PLAC9: variants seen among roughly 807,000 people sequenced by gnomAD.
PLAC9 encodes the protein placenta-specific protein 9.
Under a neutral mutation model 11.5 loss-of-function variants are expected in PLAC9, and 12 were observed. That is an observed-to-expected ratio of 1.05 (90% CI 0.67 to 1.69). PLAC9 has a LOEUF of 1.69. PLAC9 is among the 40% of genes most tolerant of loss of function. PLAC9 has a pLI of 0.00. For missense variants in PLAC9, 132 were observed against 130.5 expected (o/e 1.01, Z -0.06); for synonymous variants, 62 against 58.1 (o/e 1.07, Z -0.31).
At chr10:80,136,656 T>TTTTATTTATTTATTTA (rs138774775) in intron 1 of PLAC9, among the ~76,000 whole-genome samples, 1 of 146,410 alleles carries the variant, frequency 6.8e-6, no homozygotes, top group African/African-American at 2.5e-5. Context: ...TTAATTTTTA[T>TTTTATTTATTTATTTA]TTTATTTATT....
chr10:80,145,118 C>G lies in PLAC9; in HGVS notation c.*208C>G, dbSNP rs528993569. ...GCCTGGAGGAAGCCTGCAACCCCCT[C>G]CAGGCTCAGACCTGGGGACACCCCC... On this transcript the variant is annotated 3_prime_UTR_variant, in exon 4 of 4. Transcript: ENST00000372263. 1.3e-5 allele frequency: 9 copies of G among 717,882 alleles called. No individual in the cohort carries two copies. Among genetic ancestry groups the G allele is most frequent in the Admixed American group, 4.3e-5 (2 of 46,490 alleles). 44.5% of individuals were successfully genotyped at this position (717,882 alleles called of 1,614,324 possible). A position where few individuals can be genotyped will look rare whatever the true frequency, so the allele number is the denominator to read the frequency against.
chr10:80,142,546 C>T (rs576767761), intron 2 of PLAC9, among the ~76,000 whole-genome samples: 1 of 152,174 alleles, frequency 6.6e-6, no homozygotes, highest in Non-Finnish European at 1.5e-5. Context: ...ATCATAAATA[C>T]AAACAGCGAG....
At chr10:80,143,913 A>G (rs1845069708) in intron 2 of PLAC9, 2 of 355,558 alleles carry the variant, frequency 5.6e-6, no homozygotes, top group Non-Finnish European at 1.1e-5. Context: ...GGGCGGAACA[A>G]CAAAAGGAAT....
At position 80,145,207 on chromosome 10, in the gene PLAC9, G is replaced by A; in HGVS notation, c.*297G>A. On this transcript the variant is annotated 3_prime_UTR_variant, in exon 4 of 4. Coordinates refer to ENST00000372263, the MANE Select transcript of PLAC9 (RefSeq NM_001012973.3). The stretch of plus-strand genomic sequence containing the variant: ...ATTCACACAGATGGGGGCCCTTTGA[G>A]TGGCCTTGCTTCTCAAAATGTGGCC... The A allele has an allele frequency of 3.7e-6, 2 of 543,702 alleles. No individual in the cohort carries two copies. The highest frequency in any genetic ancestry group is 6.5e-6 in the Non-Finnish European group (2 of 309,990). The allele number at this position is 543,702 out of a possible 1,614,324, so 33.7% of individuals were successfully genotyped here. A position where few individuals can be genotyped will look rare whatever the true frequency, so the allele number is the denominator to read the frequency against.
chr10:80,137,913 TAA>T (rs1233192428), intron 1 of PLAC9, among the ~76,000 whole-genome samples: 33 of 112,262 alleles, frequency 2.9e-4, no homozygotes, highest in Admixed American at 3.7e-4. Flanking sequence ...AGACCCTGTC[TAA>T]AAAAAAAAAA....
chr10:80,134,465 T>C (rs1476443544), intron 1 of PLAC9, among the ~76,000 whole-genome samples: 3 of 152,138 alleles, frequency 2.0e-5, no homozygotes, highest in Non-Finnish European at 4.4e-5. Context: ...GGTTTCACCA[T>C]GTTGGCCAGG....
At chr10:80,143,389 A>AT (rs560963413) in intron 2 of PLAC9, among the ~76,000 whole-genome samples, 1,520 of 89,876 alleles carry the variant, frequency 0.017, 118 homozygotes, top group Non-Finnish European at 0.021. Flanking sequence ...AAATACTTGA[A>AT]TTTTTTTTTT....
At chr10:80,136,113 AGGGGCCACGTCTCTTTAACTG>A (rs1399604965) in intron 1 of PLAC9, among the ~76,000 whole-genome samples, 1 of 152,208 alleles carries the variant, frequency 6.6e-6, no homozygotes, top group Admixed American at 6.5e-5. Flanking sequence ...GATGGGACCC[AGGGGCCACGTCTCTTTAACTG>A]GGGCAGCCAG....
At chr10:80,139,270 A>G (rs952257384) in intron 1 of PLAC9, among the ~76,000 whole-genome samples, 1 of 151,678 alleles carries the variant, frequency 6.6e-6, no homozygotes, top group East Asian at 1.9e-4. Context: ...AACATTCTTT[A>G]CCTCTTGTTC....
chr10:80,144,598 CA>C (rs1845079993), intron 3 of PLAC9, among the ~76,000 whole-genome samples: 1 of 151,916 alleles, frequency 6.6e-6, no homozygotes, highest in Non-Finnish European at 1.5e-5. Context: ...CATCTCAGCA[CA>C]ACCCCTGCGC....
chr10:80,133,086 A>G lies in PLAC9; in HGVS notation c.64+260A>G, dbSNP rs146718694. 2.6e-3 allele frequency among the ~76,000 whole-genome samples: 395 copies of G among 152,356 alleles called. 2 individuals are homozygous for G. The highest frequency in any genetic ancestry group is 8.7e-3 in the African/African-American group (360 of 41,596). ...AAGGAAAAAGGAGAGGCTGAGACAG[A>G]AAGAGGCTTCCCCTGAACAGATATG... On this transcript the variant is annotated intron_variant, in intron 1 of 3. Coordinates refer to ENST00000372263, the MANE Select transcript of PLAC9 (RefSeq NM_001012973.3).
chr10:80,139,747 T>C (rs572329793), intron 1 of PLAC9, among the ~76,000 whole-genome samples: 1 of 152,274 alleles, frequency 6.6e-6, no homozygotes, highest in African/African-American at 2.4e-5. Context: ...CCATTTTTTT[T>C]TTAACTTAAA....
intron 1 of PLAC9, among the ~76,000 whole-genome samples, chr10:80,141,592 C>T (rs982170417): frequency 6.6e-5 from 10 of 152,052 alleles, no homozygotes; most frequent in Middle Eastern, 3.4e-3. Context: ...GAGCGAGACT[C>T]CATCTCAAAA....
At chr10:80,144,705 T>C (rs112920117) in intron 3 of PLAC9, among the ~76,000 whole-genome samples, 195 bp from the exon 4 acceptor site, 4,507 of 152,162 alleles carry the variant, frequency 0.03, 64 homozygotes, top group South Asian at 0.039. Context: ...ACCCCAAAAC[T>C]CTCGCAGGGA....
intron 3 of PLAC9, 26 bp downstream of exon 3, chr10:80,144,369 A>T (rs763154095): frequency 1.3e-6 from 2 of 1,567,800 alleles, no homozygotes; most frequent in South Asian, 2.3e-5. Context: ...GGCAGAGGAC[A>T]GCCTCTGGGC....
chr10:80,139,675 T>A (rs1393995673), intron 1 of PLAC9, among the ~76,000 whole-genome samples: 1 of 151,858 alleles, frequency 6.6e-6, no homozygotes, highest in Non-Finnish European at 1.5e-5. Flanking sequence ...GGACTGGCTC[T>A]CAAAAAAAAG....
chr10:80,134,229 A>G (rs1258069880), intron 1 of PLAC9, among the ~76,000 whole-genome samples: 1 of 150,724 alleles, frequency 6.6e-6, no homozygotes, highest in African/African-American at 2.4e-5. Flanking sequence ...TTTAAAGGAA[A>G]TCCAGGCATT....
chr10:80,131,730 A>G (rs1320831950), upstream of PLAC9: 2 of 152,360 alleles, frequency 1.3e-5, no homozygotes, highest in South Asian at 2.1e-4. Context: ...AGGGAGTGAG[A>G]ACTGGATCAC....
At chr10:80,136,043 G>T (rs2132333403) in intron 1 of PLAC9, among the ~76,000 whole-genome samples, 1 of 152,262 alleles carries the variant, frequency 6.6e-6, no homozygotes, top group African/African-American at 2.4e-5. Flanking sequence ...TTTGGGTCCA[G>T]ATACAAAAGG....
Sources: allele counts gnomAD v4.1 joint callset (sites outside exome capture counted in the v4.1 genomes callset), GRCh38; gene constraint gnomAD v4.1.1; transcripts MANE v1.5; gene names NCBI Gene and HGNC (gene_info 2026-07-23, HGNC 2026-07-21).